NRG1: variants seen among roughly 807,000 people sequenced by gnomAD.
NRG1 encodes the protein pro-neuregulin-1, membrane-bound isoform.
In NRG1, 18 loss-of-function variants were observed where a neutral mutation model predicts 63.8. The ratio of observed to expected loss-of-function variants is 0.28; its 90% CI spans 0.19 to 0.42. The LOEUF is 0.42. Ranked by LOEUF, NRG1 falls within the 10% of genes least tolerant of loss-of-function variation. NRG1 has a pLI of 1.00. For synonymous variants in NRG1, 302 were observed against 301.3 expected (o/e 1.00, Z -0.02); for missense variants, 762 against 814.7 (o/e 0.94, Z 0.79).
At chr8:32,177,675 C>T (rs759361438) in intron 1 of NRG1, among the ~76,000 whole-genome samples, 44 of 151,592 alleles carry the variant, frequency 2.9e-4, no homozygotes, top group Non-Finnish European at 4.4e-4. Context: ...TAGTTTGCTG[C>T]GGATGATTAT....
chr8:32,763,941 GAGA>G lies in NRG1; in HGVS notation c.1459_1461del (p.Lys487del), dbSNP rs750252714. 8 of 1,613,914 alleles carry G rather than the reference GAGA, an allele frequency of 5.0e-6. No individual in the cohort carries two copies. The African/African-American group carries it at 6.7e-5, about 13-fold the overall frequency. ...TCTCGTGACACCACCAAGGCTGCGGGAGAAGAAGTTTGACCATCACCCTCAGCA... is the reference window on the plus strand; with the variant it reads ...TCTCGTGACACCACCAAGGCTGCGGGAGAAGTTTGACCATCACCCTCAGCA... On this transcript the variant is annotated inframe_deletion, in exon 12 of 12. Transcript: ENST00000356819.
At chr8:31,962,071 G>A (rs1343145270) in intron 1 of NRG1, among the ~76,000 whole-genome samples, 2 of 152,156 alleles carry the variant, frequency 1.3e-5, no homozygotes, top group African/African-American at 4.8e-5. Context: ...ATGTTTGAAA[G>A]TCATATTCTT....
chr8:32,065,313 A>G (rs1293874887), intron 1 of NRG1, among the ~76,000 whole-genome samples: 3 of 152,086 alleles, frequency 2.0e-5, no homozygotes, highest in African/African-American at 7.2e-5. Context: ...TTAACTCATC[A>G]TTTAACATTA....
At chr8:31,878,817 A>G (rs1271688928) in intron 1 of NRG1, among the ~76,000 whole-genome samples, 2 of 152,152 alleles carry the variant, frequency 1.3e-5, no homozygotes, top group African/African-American at 4.8e-5. Flanking sequence ...CTCACCGTGC[A>G]GCTCTCTTCA....
At chr8:32,749,005 A>C (rs2129047562) in intron 7 of NRG1, 1 of 184,938 alleles carries the variant, frequency 5.4e-6, no homozygotes, top group East Asian at 1.8e-4. Flanking sequence ...ATGAGCAAGA[A>C]GTATTTGAGG....
intron 1 of NRG1, among the ~76,000 whole-genome samples, chr8:32,239,480 G>T (rs1847896960): frequency 6.6e-6 from 1 of 151,714 alleles, no homozygotes; most frequent in Non-Finnish European, 1.5e-5. Context: ...TTCTAGACTT[G>T]ATACTAAAAG....
At chr8:32,090,267 T>C (rs915149363) in intron 1 of NRG1, among the ~76,000 whole-genome samples, 1 of 152,234 alleles carries the variant, frequency 6.6e-6, no homozygotes, top group Non-Finnish European at 1.5e-5. Context: ...TTATTAACTT[T>C]GATTTTGTTT....
chr8:32,201,845 G>A (rs981886319), intron 1 of NRG1, among the ~76,000 whole-genome samples: 1 of 152,146 alleles, frequency 6.6e-6, no homozygotes, highest in Admixed American at 6.5e-5. Flanking sequence ...ACAACCATAT[G>A]GCATCAGTTG....
intron 1 of NRG1, among the ~76,000 whole-genome samples, chr8:32,214,270 G>T (rs995569824): frequency 2.0e-5 from 3 of 152,058 alleles, no homozygotes; most frequent in Non-Finnish European, 2.9e-5. Context: ...TTTTGGGGTG[G>T]CATATTCGGC....
At chr8:32,115,979 A>G (rs112586508) in intron 1 of NRG1, among the ~76,000 whole-genome samples, 1 of 152,124 alleles carries the variant, frequency 6.6e-6, no homozygotes, top group African/African-American at 2.4e-5. Flanking sequence ...TCCTCTTTTC[A>G]TCTGTAATAT....
chr8:32,285,512 T>A (rs566144059), intron 1 of NRG1, among the ~76,000 whole-genome samples: 1 of 152,358 alleles, frequency 6.6e-6, no homozygotes, highest in South Asian at 2.1e-4. Flanking sequence ...GTAGACCAAG[T>A]ACGGAAATAC....
intron 1 of NRG1, among the ~76,000 whole-genome samples, chr8:32,420,557 A>G (rs1459265066): frequency 2.1e-5 from 3 of 145,856 alleles, no homozygotes; most frequent in African/African-American, 7.6e-5. Flanking sequence ...TTTTTTTCCT[A>G]CTAAACATGA....
intron 1 of NRG1, among the ~76,000 whole-genome samples, chr8:31,662,506 C>A (rs1806093926): frequency 6.6e-6 from 1 of 152,198 alleles, no homozygotes. Flanking sequence ...ACCTGCCACT[C>A]CTGCATTTCT....
At chr8:32,767,340 G>A (rs893095527) in exon 12 of NRG1, 7 of 152,128 alleles carry the variant, frequency 4.6e-5, no homozygotes, top group Admixed American at 2.0e-4. Flanking sequence ...GTTAAAGGGC[G>A]CATGGCTCAC....
intron 1 of NRG1, among the ~76,000 whole-genome samples, chr8:32,482,572 A>G (rs1391916504): frequency 6.6e-6 from 1 of 152,100 alleles, no homozygotes; most frequent in Non-Finnish European, 1.5e-5. Flanking sequence ...AAGCTGTCCA[A>G]CCTCACTCCC....
chr8:32,534,061 G>A (rs1403482144), intron 1 of NRG1, among the ~76,000 whole-genome samples: 1 of 152,032 alleles, frequency 6.6e-6, no homozygotes, highest in East Asian at 1.9e-4. Context: ...ATACTCATGA[G>A]TACAGAAAGA....
At chr8:31,991,378 C>CTCT (rs141571361) in intron 1 of NRG1, among the ~76,000 whole-genome samples, 12 of 149,364 alleles carry the variant, frequency 8.0e-5, no homozygotes, top group Admixed American at 3.3e-4. Context: ...CCTCCTCCTC[C>CTCT]TCTTCTTCTG....
intron 1 of NRG1, among the ~76,000 whole-genome samples, chr8:31,947,960 A>C (rs908335854): frequency 1.3e-5 from 2 of 150,384 alleles, no homozygotes; most frequent in Non-Finnish European, 3.0e-5. Context: ...AAAAAAAAAA[A>C]AAAAAAAAAA....
intron 5 of NRG1, among the ~76,000 whole-genome samples, chr8:32,637,966 G>C (rs1851644352): frequency 6.6e-6 from 1 of 152,204 alleles, no homozygotes; most frequent in Non-Finnish European, 1.5e-5. Flanking sequence ...AACAGTCAAA[G>C]TGAGGTATTG....
Sources: allele counts gnomAD v4.1 joint callset (sites outside exome capture counted in the v4.1 genomes callset), GRCh38; gene constraint gnomAD v4.1.1; transcripts MANE v1.5; gene names NCBI Gene and HGNC (gene_info 2026-07-23, HGNC 2026-07-21).